The following XRCC4 variants were observed in gnomAD, a reference collection of about 807,000 sequenced individuals.
XRCC4 encodes the protein DNA repair protein XRCC4.
XRCC4 carries 28 observed loss-of-function variants against 39.1 expected under a neutral mutation model. That is an observed-to-expected ratio of 0.72 (90% CI 0.53 to 0.98). The LOEUF is 0.98. Ranked by LOEUF, XRCC4 falls within the 50% of genes least tolerant of loss-of-function variation. The probability of loss-of-function intolerance (pLI) is 0.00; values close to 1 mark genes in which losing one functional copy is unlikely to be tolerated. For missense variants in XRCC4, 350 were observed against 376.4 expected (o/e 0.93, Z 0.58); for synonymous variants, 123 against 126.4 (o/e 0.97, Z 0.18).
intron 7 of XRCC4, among the ~76,000 whole-genome samples, chr5:83,344,848 G>T (rs917017979): frequency 6.6e-6 from 1 of 151,984 alleles, no homozygotes; most frequent in Non-Finnish European, 1.5e-5. Context: ...TTATAAAATG[G>T]TTTCAAACAT....
intron 3 of XRCC4, among the ~76,000 whole-genome samples, chr5:83,175,967 A>G (rs1209559236): frequency 2.0e-5 from 3 of 152,100 alleles, no homozygotes; most frequent in African/African-American, 7.2e-5. Flanking sequence ...GTTCAAGATT[A>G]CAGTGAGCTA....
At chr5:83,115,008 A>G (rs1451416782) in intron 3 of XRCC4, among the ~76,000 whole-genome samples, 2 of 152,040 alleles carry the variant, frequency 1.3e-5, no homozygotes, top group Admixed American at 6.6e-5. Flanking sequence ...TGTGCAGGGG[A>G]GCTCCCCTTT....
intron 7 of XRCC4, chr5:83,280,377 T>C: frequency 1.8e-6 from 1 of 542,496 alleles, no homozygotes; most frequent in Non-Finnish European, 3.4e-6. Context: ...TTCTTGAATG[T>C]CTTAAAATTC....
At chr5:83,196,995 T>C (rs530844829) in intron 4 of XRCC4, among the ~76,000 whole-genome samples, 2 of 151,828 alleles carry the variant, frequency 1.3e-5, no homozygotes, top group East Asian at 3.9e-4. Flanking sequence ...TATTAACTAA[T>C]GCAAAACATG....
intron 7 of XRCC4, chr5:83,280,581 C>A: frequency 6.5e-6 from 3 of 461,230 alleles, no homozygotes; most frequent in South Asian, 6.3e-5. Context: ...CCACTGTAGC[C>A]GACTTCAGAT....
chr5:83,353,963 A>G (rs1757159761), downstream of XRCC4, among the ~76,000 whole-genome samples: 1 of 152,156 alleles, frequency 6.6e-6, no homozygotes, highest in Admixed American at 6.5e-5. Flanking sequence ...ATAGCTATTT[A>G]TCTCCAGTAA....
intron 4 of XRCC4, among the ~76,000 whole-genome samples, chr5:83,199,910 G>T (rs543985145): frequency 6.8e-4 from 104 of 152,138 alleles, no homozygotes; most frequent in African/African-American, 2.4e-3. Flanking sequence ...GATGTTATTT[G>T]TGATTTCGTC....
intron 7 of XRCC4, among the ~76,000 whole-genome samples, chr5:83,332,945 G>A (rs1389646142): frequency 6.6e-6 from 1 of 152,140 alleles, no homozygotes; most frequent in African/African-American, 2.4e-5. Context: ...CTAAGGGTTT[G>A]CTTTCTCATC....
chr5:83,226,211 G>T (rs1040685330), intron 6 of XRCC4, among the ~76,000 whole-genome samples: 2 of 152,060 alleles, frequency 1.3e-5, no homozygotes, highest in Non-Finnish European at 2.9e-5. Flanking sequence ...GGTAGATGTT[G>T]TAAGAGCTGC....
Position 83,174,211 on chromosome 5 carries a change from A to G in XRCC4, c.316-21559A>G, listed in dbSNP as rs190292792. 4.8e-4 allele frequency among the ~76,000 whole-genome samples: 73 copies of G among 152,324 alleles called. 1 individual carries two copies. The East Asian group carries it at 0.014, about 28-fold the overall frequency. On this transcript the variant is annotated intron_variant, in intron 3 of 7. Coordinates refer to ENST00000396027, the MANE Select transcript of XRCC4 (RefSeq NM_003401.5). ...CTGTAGTTTTGTGAACTGGTTTATTAAGGGGAATGCCTTTTCCTAGTTAAT... is the reference window on the plus strand; with the variant it reads ...CTGTAGTTTTGTGAACTGGTTTATTGAGGGGAATGCCTTTTCCTAGTTAAT...
intron 6 of XRCC4, among the ~76,000 whole-genome samples, chr5:83,251,558 A>G (rs1753317972): frequency 6.6e-6 from 1 of 151,688 alleles, no homozygotes; most frequent in South Asian, 2.1e-4. Context: ...TTAAACATTG[A>G]AATGTTTTGT....
Position 83,131,931 on chromosome 5 carries a change from A to G in XRCC4, c.315+20728A>G, listed in dbSNP as rs566662650. Among the ~76,000 whole-genome samples, 7 of 152,234 alleles carry G rather than the reference A, an allele frequency of 4.6e-5. No homozygotes were observed. In the East Asian group the frequency reaches 9.7e-4, roughly 21 times the overall value. On this transcript the variant is annotated intron_variant, in intron 3 of 7. Coordinates refer to ENST00000396027, the MANE Select transcript of XRCC4 (RefSeq NM_003401.5). The stretch of plus-strand genomic sequence containing the variant: ...AATTTGATCCTGTCATTATGACGTT[A>G]GCTGGTTATTTTGCTCGTTAGTTGA...
intron 7 of XRCC4, among the ~76,000 whole-genome samples, chr5:83,279,303 G>A (rs1468369072): frequency 6.6e-6 from 1 of 151,524 alleles, no homozygotes; most frequent in Non-Finnish European, 1.5e-5. Context: ...CAAACTACTA[G>A]AAATGTAGCT....
At chr5:83,118,892 A>G (rs1423611173) in intron 3 of XRCC4, among the ~76,000 whole-genome samples, 1 of 152,208 alleles carries the variant, frequency 6.6e-6, no homozygotes, top group Admixed American at 6.5e-5. Flanking sequence ...GGTTTCAGTC[A>G]TATTTCAATT....
intron 6 of XRCC4, among the ~76,000 whole-genome samples, chr5:83,248,696 A>T (rs1753201039): frequency 6.6e-6 from 1 of 152,352 alleles, no homozygotes; most frequent in African/African-American, 2.4e-5. Flanking sequence ...ATTAAAAAAT[A>T]CATTTATAAT....
chr5:83,155,628 C>T (rs1337722956), intron 3 of XRCC4, among the ~76,000 whole-genome samples: 2 of 152,056 alleles, frequency 1.3e-5, no homozygotes, highest in African/African-American at 2.4e-5. Context: ...GATGTGTACA[C>T]ATTTTTCCAC....
chr5:83,276,126 T>A (rs565030610), intron 7 of XRCC4, among the ~76,000 whole-genome samples: 1 of 152,198 alleles, frequency 6.6e-6, no homozygotes, highest in Non-Finnish European at 1.5e-5. Context: ...TGAATTTTGG[T>A]CTTTTCCTGG....
At chr5:83,138,679 A>G (rs532244311) in intron 3 of XRCC4, among the ~76,000 whole-genome samples, 10 of 152,242 alleles carry the variant, frequency 6.6e-5, no homozygotes, top group African/African-American at 2.2e-4. Flanking sequence ...ATCCATTTCC[A>G]TACTTTTTTC....
chr5:83,122,583 T>A (rs1442286899), intron 3 of XRCC4, among the ~76,000 whole-genome samples: 1 of 152,162 alleles, frequency 6.6e-6, no homozygotes, highest in East Asian at 1.9e-4. Context: ...AAATTATAGA[T>A]CTTATGCATT....
Sources: gnomAD v4.1 joint callset for allele counts (sites outside exome capture counted in the v4.1 genomes callset) on GRCh38, gnomAD v4.1.1 for gene constraint, MANE v1.5 for transcripts, NCBI Gene and HGNC (gene_info 2026-07-23, HGNC 2026-07-21) for gene names.